MAP6: variants seen among roughly 807,000 people sequenced by gnomAD.
The protein encoded by MAP6 is microtubule associated protein 6.
MAP6 carries 26 observed loss-of-function variants against 42.4 expected under a neutral mutation model. That is an observed-to-expected ratio of 0.61 (90% CI 0.45 to 0.85). MAP6 has a LOEUF of 0.85. Among genes scored for constraint, MAP6 ranks in the 40% least tolerant of loss-of-function variants. The pLI, the probability that MAP6 is intolerant of heterozygous loss-of-function variation, is 0.00. For missense variants in MAP6, 966 were observed against 1,099.0 expected, an observed-to-expected ratio of 0.88 and a Z score of 1.71; for synonymous variants, 418 against 443.8, an observed-to-expected ratio of 0.94 and a Z score of 0.73.
intron 1 of MAP6, among the ~76,000 whole-genome samples, chr11:75,646,275 C>A (rs1689538450): frequency 6.6e-6 from 1 of 152,016 alleles, no homozygotes; most frequent in Admixed American, 6.6e-5. Flanking sequence ...TTCTAGAATT[C>A]TTCTCTCAGT....
chr11:75,618,970 G>C (rs575370922), intron 1 of MAP6, among the ~76,000 whole-genome samples: 1 of 152,312 alleles, frequency 6.6e-6, no homozygotes, highest in East Asian at 1.9e-4. Flanking sequence ...CCCCACAAAG[G>C]ACTAGGCCGG....
At chr11:75,629,183 G>A (rs1434928796) in intron 1 of MAP6, among the ~76,000 whole-genome samples, 2 of 152,300 alleles carry the variant, frequency 1.3e-5, no homozygotes, top group East Asian at 3.9e-4. Context: ...CGCCTCCTGA[G>A]TTCAAGTGAT....
At chr11:75,621,820 C>T (rs1450403363) in intron 1 of MAP6, among the ~76,000 whole-genome samples, 4 of 152,096 alleles carry the variant, frequency 2.6e-5, no homozygotes, top group African/African-American at 4.8e-5. Context: ...GTCAGGAGTT[C>T]GAGACCAGCC....
chr11:75,626,534 T>C (rs1399004598), intron 1 of MAP6, among the ~76,000 whole-genome samples: 1 of 152,220 alleles, frequency 6.6e-6, no homozygotes, highest in Non-Finnish European at 1.5e-5. Context: ...GGCTGCAGAT[T>C]CAAGTATGTT....
At chr11:75,621,922 C>T (rs943575187) in intron 1 of MAP6, among the ~76,000 whole-genome samples, 1 of 151,964 alleles carries the variant, frequency 6.6e-6, no homozygotes, top group Non-Finnish European at 1.5e-5. Context: ...ACTCAGGAGG[C>T]TGAGGCAGGA....
intron 1 of MAP6, among the ~76,000 whole-genome samples, chr11:75,627,664 C>G (rs780598656): frequency 1.6e-4 from 24 of 152,276 alleles, no homozygotes; most frequent in Non-Finnish European, 3.1e-4. Flanking sequence ...ATGAGGCACA[C>G]TTTTTCACTA....
At position 75,605,822 on chromosome 11, in the gene MAP6, C is replaced by T. The variant is rs1473590631; in HGVS notation, c.1302G>A (p.Leu434=). The part of the protein sequence containing the change: ...KEQSKEMNNK[L]AEAKESLAQP... The stretch of plus-strand genomic sequence containing the variant: ...GGGAAATTTACTCTTTCGCCTCAGC[C>T]AGTTTATTGTTCATCTCTTTGCTTT... Residue 434 remains leucine, a synonymous_variant, in exon 3 of 4, where the codon CTG becomes CTA. Coordinates refer to ENST00000304771, the MANE Select transcript of MAP6 (RefSeq NM_033063.2). 6.2e-7 allele frequency: 1 copy of T among 1,613,918 alleles called. No individual in the cohort carries two copies. The highest frequency in any genetic ancestry group is 1.3e-5 in the African/African-American group (1 of 74,890).
intron 1 of MAP6, among the ~76,000 whole-genome samples, chr11:75,657,570 G>A (rs1322242646): frequency 1.3e-5 from 2 of 152,192 alleles, no homozygotes; most frequent in South Asian, 2.1e-4. Flanking sequence ...TAAACCCTGT[G>A]TATCAATCTC....
intron 1 of MAP6, among the ~76,000 whole-genome samples, chr11:75,648,434 A>T (rs553496079): frequency 1.4e-3 from 220 of 152,262 alleles, no homozygotes; most frequent in Middle Eastern, 0.01. Context: ...GAAGGTCGAA[A>T]CACAAATGAG....
intron 1 of MAP6, among the ~76,000 whole-genome samples, chr11:75,653,367 G>A (rs1254056970): frequency 6.6e-6 from 1 of 152,152 alleles, no homozygotes; most frequent in Non-Finnish European, 1.5e-5. Flanking sequence ...GGAGATGCAG[G>A]CATAATGCTG....
At chr11:75,619,847 T>C (rs1434560349) in intron 1 of MAP6, among the ~76,000 whole-genome samples, 3 of 152,206 alleles carry the variant, frequency 2.0e-5, no homozygotes, top group Admixed American at 6.5e-5. Flanking sequence ...TATCCAGTAA[T>C]GGGATTGCTG....
At chr11:75,640,116 G>A (rs1473447976) in intron 1 of MAP6, among the ~76,000 whole-genome samples, 2 of 152,006 alleles carry the variant, frequency 1.3e-5, no homozygotes, top group Admixed American at 6.6e-5. Flanking sequence ...TCAGCACTGG[G>A]GGTGGGGAAC....
intron 1 of MAP6, among the ~76,000 whole-genome samples, chr11:75,658,682 G>A (rs1943793007): frequency 6.6e-6 from 1 of 152,128 alleles, no homozygotes; most frequent in South Asian, 2.1e-4. Flanking sequence ...TAAGACAAAG[G>A]AGCTAGCCCC....
chr11:75,614,525 A>C (rs1049795895), intron 1 of MAP6, among the ~76,000 whole-genome samples: 1 of 152,178 alleles, frequency 6.6e-6, no homozygotes, highest in African/African-American at 2.4e-5. Context: ...CTGCCATGTC[A>C]TAAGGACATT....
intron 1 of MAP6, among the ~76,000 whole-genome samples, chr11:75,636,529 C>A (rs956168144): frequency 6.6e-6 from 1 of 152,196 alleles, no homozygotes; most frequent in African/African-American, 2.4e-5. Context: ...CTTCAGCCCC[C>A]ACATACACCC....
At chr11:75,611,314 A>T (rs1012522508) in intron 1 of MAP6, among the ~76,000 whole-genome samples, 1 of 152,222 alleles carries the variant, frequency 6.6e-6, no homozygotes, top group Non-Finnish European at 1.5e-5. Flanking sequence ...AGATAGGTGT[A>T]CCCTATTCCT....
intron 1 of MAP6, among the ~76,000 whole-genome samples, chr11:75,654,984 C>T (rs1243753120): frequency 6.6e-6 from 1 of 152,150 alleles, no homozygotes; most frequent in Admixed American, 6.5e-5. Flanking sequence ...ACTGTTGCGC[C>T]CCTAGAGAAC....
At chr11:75,592,719 A>G (rs1410214462) in intron 3 of MAP6, among the ~76,000 whole-genome samples, 1 of 152,048 alleles carries the variant, frequency 6.6e-6, no homozygotes, top group Non-Finnish European at 1.5e-5. Flanking sequence ...AGCAAACCCT[A>G]TCTTGTCCCT....
At chr11:75,641,884 C>T (rs995662055) in intron 1 of MAP6, among the ~76,000 whole-genome samples, 2 of 152,210 alleles carry the variant, frequency 1.3e-5, no homozygotes, top group Admixed American at 6.5e-5. Context: ...GAAGCTTCCT[C>T]TGGTCTGCAA....
Sources: allele counts gnomAD v4.1 joint callset (sites outside exome capture counted in the v4.1 genomes callset), GRCh38; gene constraint gnomAD v4.1.1; transcripts MANE v1.5; gene names NCBI Gene and HGNC (gene_info 2026-07-23, HGNC 2026-07-21).